Variants in JAKMIP1 observed in about 807,000 individuals in gnomAD.
The protein encoded by JAKMIP1 is janus kinase and microtubule interacting protein 1, also known as janus kinase and microtubule-interacting protein 1.
A neutral mutation model predicts 113.0 loss-of-function variants in JAKMIP1; 33 were observed. The observed-to-expected ratio is 0.29, with a 90% CI of 0.22 to 0.39. The LOEUF (loss-of-function observed/expected upper bound fraction) is 0.39. Ranked by LOEUF, JAKMIP1 falls within the 10% of genes least tolerant of loss-of-function variation. The probability of loss-of-function intolerance (pLI) is 1.00; values close to 1 mark genes in which losing one functional copy is unlikely to be tolerated. For synonymous variants in JAKMIP1, 480 were observed against 459.9 expected, an observed-to-expected ratio of 1.04 and a Z score of -0.56; for missense variants, 813 against 1,080.5, an observed-to-expected ratio of 0.75 and a Z score of 3.47.
At position 6,065,075 on chromosome 4, in the gene JAKMIP1, C is replaced by T. The variant is rs916590641; in HGVS notation, c.1303-67G>A. The T allele has an allele frequency of 2.8e-5, 44 of 1,592,836 alleles. No individual in the cohort carries two copies. The highest frequency in any genetic ancestry group is 1.7e-4 in the Middle Eastern group (1 of 6,026). On this transcript the variant is annotated intron_variant, in intron 8 of 20. Coordinates refer to ENST00000409021, the MANE Select transcript of JAKMIP1 (RefSeq NM_001099433.2). This position sits in a 1 kb window ranked among gnomAD's most constrained non-coding sequence, Gnocchi z 5.1. ...TTGCCAGAGTCTACCAGTCCCTGGT[C>T]GTGGGCATGCCAGTGCAGGGGGGTG...
rs1447793411 is a variant in JAKMIP1, at chr4:6,069,902, G to GC, written c.1303-4895dup. Among the ~76,000 whole-genome samples the GC allele has an allele frequency of 6.6e-6, 1 of 151,868 alleles. No homozygotes were observed. The highest frequency in any genetic ancestry group is 1.5e-5 in the Non-Finnish European group (1 of 67,998). ...AGAGGAGGTACCCCCAAAACAAATA[G>GC]CCCCCCAACCAGATCCAGTCTCTCT... On this transcript the variant is annotated intron_variant, in intron 8 of 20. Transcript: ENST00000409021. This position sits in a 1 kb window ranked among gnomAD's most constrained non-coding sequence, Gnocchi z 4.5.
chr4:6,186,100 A>AAC lies in JAKMIP1; in HGVS notation c.-148+14151_-148+14152dup. On this transcript the variant is annotated intron_variant, in intron 1 of 20. Coordinates refer to ENST00000409021, the MANE Select transcript of JAKMIP1 (RefSeq NM_001099433.2). This position sits in a 1 kb window ranked among gnomAD's most constrained non-coding sequence, Gnocchi z 5.5. ...GCTAGGGGCTACAGGAAGGAGAACGAACAAGTTGTGGTGAGAATTACACAA... is the reference window on the plus strand; with the variant it reads ...GCTAGGGGCTACAGGAAGGAGAACGAACACAAGTTGTGGTGAGAATTACACAA... 6.6e-6 allele frequency among the ~76,000 whole-genome samples: 1 copy of AAC among 152,306 alleles called. No homozygotes were observed. Among genetic ancestry groups the AAC allele is most frequent in the South Asian group, 2.1e-4 (1 of 4,814 alleles).
intron 3 of JAKMIP1, among the ~76,000 whole-genome samples, chr4:6,103,632 G>A (rs955110110): frequency 6.6e-6 from 1 of 152,038 alleles, no homozygotes; most frequent in Non-Finnish European, 1.5e-5. Context: ...TCTAGGCCTG[G>A]GCCTTTCTTC....
chr4:6,103,155 T>C (rs527456939), intron 3 of JAKMIP1, among the ~76,000 whole-genome samples: 2 of 152,306 alleles, frequency 1.3e-5, no homozygotes, highest in South Asian at 2.1e-4. Context: ...AGATTTTTGA[T>C]AGAACCATTT....
chr4:6,078,873 AC>A, intron 8 of JAKMIP1, 65 bp downstream of exon 8: 2 of 1,533,654 alleles, frequency 1.3e-6, no homozygotes, highest in South Asian at 2.2e-5. Context: ...CCACTCCACG[AC>A]CCATCTGCCC....
At chr4:6,100,416 A>G (rs1054807984) in intron 3 of JAKMIP1, among the ~76,000 whole-genome samples, 5 of 152,242 alleles carry the variant, frequency 3.3e-5, no homozygotes, top group African/African-American at 9.6e-5. Flanking sequence ...GCATATATCA[A>G]TATTTCATAC....
rs1006385113 is a variant in JAKMIP1, at chr4:6,093,619, C to G, written c.625-7990G>C. On this transcript the variant is annotated intron_variant, in intron 3 of 20. Transcript: ENST00000409021. The surrounding 1 kb of genome is among the most constrained non-coding windows in gnomAD (Gnocchi z 4.6). ...AAATTCTTATGCAAAACAGTCACCT[C>G]ATAAAGGTCAGCAGTCTCTTGAAGT... 2.0e-5 allele frequency among the ~76,000 whole-genome samples: 3 copies of G among 152,172 alleles called. No individual in the cohort carries two copies. Among genetic ancestry groups the G allele is most frequent in the African/African-American group, 7.2e-5 (3 of 41,440 alleles).
rs1726786014 is a variant in JAKMIP1, at chr4:6,187,550, G to A, written c.-148+12703C>T. On this transcript the variant is annotated intron_variant, in intron 1 of 20. Transcript: ENST00000409021. This position sits in a 1 kb window ranked among gnomAD's most constrained non-coding sequence, Gnocchi z 4.2. ...AAATGAGATTAGTGCCTTTGTAAAAGAAACCCTAGGGAGCTAGCTCACCCC... is the reference window on the plus strand; with the variant it reads ...AAATGAGATTAGTGCCTTTGTAAAAAAAACCCTAGGGAGCTAGCTCACCCC... Among the ~76,000 whole-genome samples the A allele has an allele frequency of 6.6e-6, 1 of 152,238 alleles. No individual in the cohort carries two copies. Among genetic ancestry groups the A allele is most frequent in the African/African-American group, 2.4e-5 (1 of 41,454 alleles).
chr4:6,163,913 C>A (rs2358576), intron 1 of JAKMIP1, among the ~76,000 whole-genome samples: 7 of 152,262 alleles, frequency 4.6e-5, no homozygotes, highest in African/African-American at 1.7e-4. Context: ...TGTGGAGAAG[C>A]TGCAGAATAA....
chr4:6,033,969 T>C lies in JAKMIP1; in HGVS notation c.2379+1935A>G, dbSNP rs143867946. On this transcript the variant is annotated intron_variant, in intron 19 of 20. Transcript: ENST00000409021. ...TCAGGATGGGCCTGGCCTGGAAGGG[T>C]CACTTTGTGGCTAGCTGACCTTCAT... Among the ~76,000 whole-genome samples, 813 of 152,102 alleles carry C rather than the reference T, an allele frequency of 5.3e-3. 3 individuals carry two copies. Among genetic ancestry groups the C allele is most frequent in the African/African-American group, 0.019 (780 of 41,448 alleles).
At chr4:6,038,785 C>T (rs1464665224) in intron 18 of JAKMIP1, among the ~76,000 whole-genome samples, 2 of 152,342 alleles carry the variant, frequency 1.3e-5, no homozygotes, top group East Asian at 1.9e-4. Flanking sequence ...CTTGCTGGTG[C>T]CTGCAGGCTC....
At chr4:6,053,906 A>AAAG (rs1715992115) in intron 13 of JAKMIP1, 144 bp downstream of exon 13, 3 of 1,532,054 alleles carry the variant, frequency 2.0e-6, no homozygotes, top group African/African-American at 1.4e-5. Context: ...TTTAAAAAAA[A>AAAG]AAAGAAAGAA....
Position 6,026,218 on chromosome 4 carries a change from A to G in JAKMIP1, c.*10T>C. ...GGATACCAACCCGAGTTCTTGGCTC[A>G]CTGAAGTCATCAAGGCCACAGAATG... On this transcript the variant is annotated 3_prime_UTR_variant, in exon 21 of 21. Coordinates refer to ENST00000409021, the MANE Select transcript of JAKMIP1 (RefSeq NM_001099433.2). 1 of 1,549,876 alleles carries G rather than the reference A, an allele frequency of 6.5e-7. No homozygotes were observed. Among genetic ancestry groups the G allele is most frequent in the South Asian group, 1.2e-5 (1 of 83,176 alleles).
At chr4:6,075,876 T>G (rs973032913) in intron 8 of JAKMIP1, among the ~76,000 whole-genome samples, 1 of 152,148 alleles carries the variant, frequency 6.6e-6, no homozygotes, top group Non-Finnish European at 1.5e-5. Context: ...CATAAACACA[T>G]TCAGAAATCA....
chr4:6,126,668 C>T (rs1202479728), intron 1 of JAKMIP1, among the ~76,000 whole-genome samples: 1 of 149,448 alleles, frequency 6.7e-6, no homozygotes, highest in African/African-American at 2.5e-5. Context: ...ACATGCCCCC[C>T]CCACACACAC....
intron 12 of JAKMIP1, among the ~76,000 whole-genome samples, chr4:6,055,910 C>T (rs1716353287): frequency 6.7e-6 from 1 of 150,108 alleles, no homozygotes; most frequent in South Asian, 2.1e-4. Context: ...GGCTGCCCTC[C>T]CCATTTCTGC....
At position 6,105,728 on chromosome 4, in the gene JAKMIP1, G is replaced by A. The variant is rs745414603; in HGVS notation, c.369C>T (p.Gly123=). The change falls in exon 3 of 21, where the codon GGC becomes GGT. Residue 123 remains glycine (G), a synonymous_variant. Coordinates refer to ENST00000409021, the MANE Select transcript of JAKMIP1 (RefSeq NM_001099433.2). ...GCGCCGTCTTGACCTTGTCGGCCGC[G>A]CCGTCGCGCAGCACGTTCAGCGTGG... The part of the protein sequence containing the change: ...LQATLNVLRD[G]AADKVKTALL... 22 of 1,601,186 alleles carry A rather than the reference G, an allele frequency of 1.4e-5. No individual in the cohort carries two copies. The highest frequency in any genetic ancestry group is 8.9e-5 in the East Asian group (4 of 44,700).
At chr4:6,170,829 A>G (rs1724515743) in intron 1 of JAKMIP1, among the ~76,000 whole-genome samples, 1 of 78,220 alleles carries the variant, frequency 1.3e-5, no homozygotes, top group African/African-American at 4.0e-5. Context: ...TCCCAGAACC[A>G]CCACACCACC....
At position 6,049,789 on chromosome 4, in the gene JAKMIP1, C is replaced by T. The variant is rs563946675; in HGVS notation, c.1962+30G>A. The T allele has an allele frequency of 1.7e-5, 26 of 1,569,990 alleles. 1 individual carries two copies. The South Asian group carries it at 1.7e-4, about 10-fold the overall frequency. Reference sequence around the variant, plus strand: ...ATACACCCAGATCAAAACAAGAACACGAAAGCAGAAACCGATCGCTCATAG... The same window carrying T: ...ATACACCCAGATCAAAACAAGAACATGAAAGCAGAAACCGATCGCTCATAG... On this transcript the variant is annotated intron_variant, in intron 15 of 20. Coordinates refer to ENST00000409021, the MANE Select transcript of JAKMIP1 (RefSeq NM_001099433.2). This position sits in a 1 kb window ranked among gnomAD's most constrained non-coding sequence, Gnocchi z 7.0.
Sources: allele counts gnomAD v4.1 joint callset (sites outside exome capture counted in the v4.1 genomes callset), GRCh38; gene constraint gnomAD v4.1.1; non-coding constraint Gnocchi (gnomAD v3.1); transcripts MANE v1.5; gene names NCBI Gene and HGNC (gene_info 2026-07-23, HGNC 2026-07-21).